SYN1: variants seen among roughly 807,000 people sequenced by gnomAD.
SYN1 encodes synapsin I.
In SYN1, 8 loss-of-function variants were observed where a neutral mutation model predicts 44.6. The observed-to-expected ratio is 0.18, with a 90% CI of 0.11 to 0.32. The LOEUF is 0.32. SYN1 is among the 10% of genes least tolerant of loss of function. SYN1 has a pLI of 1.00. For synonymous variants in SYN1, 275 were observed against 280.1 expected (o/e 0.98, Z 0.18); for missense variants, 451 against 639.4 (o/e 0.71, Z 3.18).
chrX:47,580,644 A>G (rs1394100083), intron 5 of SYN1, among the ~76,000 whole-genome samples: 2 of 106,937 alleles, frequency 1.9e-5, no homozygotes, highest in Admixed American at 9.9e-5. Context: ...AAAAAAAAAA[A>G]GATTTAGAAG....
intron 5 of SYN1, chrX:47,585,165 T>C: frequency 8.5e-7 from 1 of 1,169,715 alleles, no homozygotes; most frequent in Non-Finnish European, 1.1e-6. Context: ...GTGGGAGGAT[T>C]ATGTCAGTAA....
chrX:47,599,629 C>T (rs1483004431), intron 5 of SYN1, among the ~76,000 whole-genome samples: 1 of 112,416 alleles, frequency 8.9e-6, no homozygotes, highest in African/African-American at 3.2e-5. Flanking sequence ...AAACAGAATG[C>T]TATAAATAGA....
Position 47,614,823 on chromosome X carries a change from T to C in SYN1, c.377+4529A>G, listed in dbSNP as rs779952049. Among the ~76,000 whole-genome samples the C allele has an allele frequency of 1.4e-3, 156 of 112,063 alleles. 1 individual carries two copies. The Admixed American group carries it at 0.014, about 10-fold the overall frequency. ...CTACAGCCAATGACTGACATAGGAA[T>C]TCAAAGCCTGGCCACCCCGCTTCAA... On this transcript the variant is annotated intron_variant, in intron 1 of 12. Transcript: ENST00000295987.
chrX:47,599,811 C>T (rs1001002728), intron 5 of SYN1, among the ~76,000 whole-genome samples: 2 of 111,880 alleles, frequency 1.8e-5, no homozygotes, highest in East Asian at 5.5e-4. Context: ...GGATGAAAAA[C>T]GTGACTTAAT....
chrX:47,587,959 T>TACCAGTAAGA (rs1353912135), intron 5 of SYN1, among the ~76,000 whole-genome samples: 5 of 111,606 alleles, frequency 4.5e-5, no homozygotes, highest in African/African-American at 1.6e-4. Flanking sequence ...CCACTGCTCT[T>TACCAGTAAGA]ACCAGTAAGA....
At chrX:47,608,862 C>T (rs1209736495) in intron 1 of SYN1, among the ~76,000 whole-genome samples, 1 of 102,245 alleles carries the variant, frequency 9.8e-6, no homozygotes, top group Admixed American at 1.1e-4. Flanking sequence ...GTCACTGACA[C>T]ACATACAATC....
At position 47,619,805 on chromosome X, in the gene SYN1, G is replaced by T; in HGVS notation, c.-77C>A. On this transcript the variant is annotated 5_prime_UTR_variant, in exon 1 of 13. Transcript: ENST00000295987. Reference sequence around the variant, plus strand: ...GGGGCGGACTGCGCGGTGCCCAGGAGCACAGCTGCGCTCTCAGGCACGACA... The same window carrying T: ...GGGGCGGACTGCGCGGTGCCCAGGATCACAGCTGCGCTCTCAGGCACGACA... The T allele has an allele frequency of 9.8e-7, 1 of 1,024,576 alleles. No individual in the cohort carries two copies. Among genetic ancestry groups the T allele is most frequent in the Non-Finnish European group, 1.3e-6 (1 of 762,329 alleles). The allele number at this position is 1,024,576 out of a possible 1,213,427, so 84.4% of individuals were successfully genotyped here. A position where few individuals can be genotyped will look rare whatever the true frequency, so the allele number is the denominator to read the frequency against.
intron 5 of SYN1, chrX:47,586,466 C>T: frequency 8.4e-7 from 1 of 1,184,896 alleles, no homozygotes; most frequent in South Asian, 1.9e-5. Context: ...GGAAGTTCTG[C>T]TCCACGGGGG....
At chrX:47,598,651 C>A (rs1307221767) in intron 5 of SYN1, among the ~76,000 whole-genome samples, 1 of 111,218 alleles carries the variant, frequency 9.0e-6, no homozygotes, top group Non-Finnish European at 1.9e-5. Context: ...CATGGTGAAA[C>A]CCCGCCTCAA....
chrX:47,588,476 C>T (rs67348988), intron 5 of SYN1, among the ~76,000 whole-genome samples: 11,793 of 112,010 alleles, frequency 0.11, 491 homozygotes, highest in Admixed American at 0.15. Flanking sequence ...TGGAACCCAG[C>T]GTGGAGGTCG....
intron 3 of SYN1, among the ~76,000 whole-genome samples, 194 bp downstream of exon 3, chrX:47,606,751 A>ATTTT (rs4066713): frequency 6.8e-4 from 63 of 93,240 alleles, no homozygotes; most frequent in African/African-American, 2.3e-3. Flanking sequence ...ATATATATAT[A>ATTTT]TTTTTTTTTA....
rs140600134 is a variant in SYN1 at position 47,585,308 on chromosome X, G to A, written c.775-7807C>T. 170 of 1,209,797 alleles carry A rather than the reference G, an allele frequency of 1.4e-4. No individual in the cohort carries two copies. The Middle Eastern group carries it at 1.6e-3, about 11-fold the overall frequency. On this transcript the variant is annotated intron_variant, in intron 5 of 12. Coordinates refer to ENST00000295987, the MANE Select transcript of SYN1 (RefSeq NM_006950.3). The stretch of plus-strand genomic sequence containing the variant: ...GGATACTTCCACAGGTCCCACAACC[G>A]CAGCGAGGAGTTTCTCATTGCTGGT...
At position 47,599,146 on chromosome X, in the gene SYN1, A is replaced by T. The variant is rs145049112; in HGVS notation, c.774+5832T>A. Among the ~76,000 whole-genome samples, 688 of 112,613 alleles carry T rather than the reference A, an allele frequency of 6.1e-3. 3 individuals are homozygous for T. Among genetic ancestry groups the T allele is most frequent in the Non-Finnish European group, 9.8e-3 (523 of 53,289 alleles). On this transcript the variant is annotated intron_variant, in intron 5 of 12. Transcript: ENST00000295987. ...ACTTAAAAGAAGGCATTACTAGAGG[A>T]ATACAGGAACAAAAAATAAGATATA... is the stretch of plus-strand genomic sequence containing the variant.
intron 5 of SYN1, among the ~76,000 whole-genome samples, chrX:47,579,483 G>A (rs2057788783): frequency 9.0e-6 from 1 of 111,017 alleles, no homozygotes; most frequent in Non-Finnish European, 1.9e-5. Flanking sequence ...TGTGGGCATT[G>A]TCAGGTGTCC....
intron 5 of SYN1, among the ~76,000 whole-genome samples, chrX:47,577,881 G>C (rs755394970): frequency 9.3e-6 from 1 of 107,646 alleles, no homozygotes. Flanking sequence ...GGGTGGGGGG[G>C]GTGGGGAGTG....
At chrX:47,586,708 A>G (rs1288265677) in intron 5 of SYN1, 1 of 1,203,987 alleles carries the variant, frequency 8.3e-7, no homozygotes, top group African/African-American at 1.7e-5. Context: ...CCCGGAGTGG[A>G]AGCTGAAGCC....
At chrX:47,596,594 G>T (rs1424562194) in intron 5 of SYN1, among the ~76,000 whole-genome samples, 1 of 112,572 alleles carries the variant, frequency 8.9e-6, no homozygotes, top group Non-Finnish European at 1.9e-5. Flanking sequence ...GTGATTTAAA[G>T]AAATATCTGT....
chrX:47,582,622 G>A (rs1346733321), intron 5 of SYN1: 2 of 352,972 alleles, frequency 5.7e-6, no homozygotes, highest in South Asian at 5.2e-5. Context: ...CTAGGGGGAA[G>A]AGGGTCGGAG....
Position 47,619,363 on chromosome X carries a change from C to G in SYN1, c.366G>C (p.Pro122=). The G allele has an allele frequency of 8.3e-7, 1 of 1,198,625 alleles. No individual in the cohort carries two copies. Among genetic ancestry groups the G allele is most frequent in the Non-Finnish European group, 1.1e-6 (1 of 893,574 alleles). The change falls in exon 1 of 13, where the codon CCG becomes CCC. Residue 122 remains proline, a synonymous_variant. Coordinates refer to ENST00000295987, the MANE Select transcript of SYN1 (RefSeq NM_006950.3). The part of the protein sequence containing the change: ...ASRVLLVIDE[P]HTDWAKYFKG... The stretch of plus-strand genomic sequence containing the variant: ...CGGCAGTGGCTTACCAGTCGGTGTG[C>G]GGCTCGTCGATGACCAGCAGCACCC...
Sources: allele counts gnomAD v4.1 joint callset (sites outside exome capture counted in the v4.1 genomes callset), GRCh38; gene constraint gnomAD v4.1.1; transcripts MANE v1.5; gene names NCBI Gene and HGNC (gene_info 2026-07-23, HGNC 2026-07-21).